The following RPL35 variants were observed in gnomAD, a reference collection of about 807,000 sequenced individuals.
RPL35 encodes ribosomal protein L35.
RPL35 carries 2 observed loss-of-function variants against 15.6 expected under a neutral mutation model. The ratio of observed to expected loss-of-function variants is 0.13; its 90% confidence interval spans 0.05 to 0.40. The LOEUF (loss-of-function observed/expected upper bound fraction) is 0.40, where lower values mean the gene tolerates loss of function less well. Among genes scored for constraint, RPL35 ranks in the 10% least tolerant of loss-of-function variants. The pLI is 0.99. For missense variants in RPL35, 111 were observed against 164.7 expected (o/e 0.67, Z 1.79); for synonymous variants, 93 against 67.9 (o/e 1.37, Z -1.82).
At chr9:124,861,340 C>G (rs2131326137) in intron 2 of RPL35, 79 bp downstream of exon 2, 15 of 1,545,080 alleles carry the variant, frequency 9.7e-6, no homozygotes, top group Non-Finnish European at 1.3e-5. Flanking sequence ...CTCCTTAAGC[C>G]AACTTTGAAA....
Position 124,861,756 on chromosome 9 carries a change from A to C in RPL35, c.3+154T>G, listed in dbSNP as rs1259738401. On this transcript the variant is annotated intron_variant, in intron 1 of 3. Coordinates refer to ENST00000348462, the MANE Select transcript of RPL35 (RefSeq NM_007209.4). The stretch of plus-strand genomic sequence containing the variant: ...CGGGCCGCGCGCCTCTCCCGGCGCC[A>C]AGCGAAGAGGCGGGTTGTGGTGGCG... 5 of 1,343,786 alleles carry C rather than the reference A, an allele frequency of 3.7e-6. No individual in the cohort carries two copies. In the East Asian group the frequency reaches 1.3e-4, roughly 35 times the overall value. 83.2% of individuals were successfully genotyped at this position (1,343,786 alleles called of 1,614,324 possible). A position where few individuals can be genotyped will look rare whatever the true frequency, so the allele number is the denominator to read the frequency against.
In RPL35 at chr9:124,861,483, C is replaced by A. The variant is rs767728787; in HGVS notation, c.76G>T (p.Val26Leu). 2 of 1,614,082 alleles carry A rather than the reference C, an allele frequency of 1.2e-6. No homozygotes were observed. Among genetic ancestry groups the A allele is most frequent in the Non-Finnish European group, 1.7e-6 (2 of 1,180,016 alleles). Reference protein sequence around the residue: ...ELLKQLDDLKVELSQLRVAKV... With the variant: ...ELLKQLDDLKLELSQLRVAKV... ...GCGACGCGCAGCTGGGACAGCTCCA[C>A]CTTCAGGTCGTCCAGCTGTTTCAGC... Residue 26 changes from valine (V) to leucine (L), a missense_variant, in exon 2 of 4, where the codon GTG becomes TTG. By Grantham distance (32) the Val-to-Leu change is conservative. Transcript: ENST00000348462.
intron 3 of RPL35, among the ~76,000 whole-genome samples, 169 bp downstream of exon 3, chr9:124,860,014 C>T (rs1374491868): frequency 6.6e-6 from 1 of 152,204 alleles, no homozygotes; most frequent in Non-Finnish European, 1.5e-5. Context: ...TCTGCAGAGC[C>T]ACGTGCCAGT....
intron 3 of RPL35, chr9:124,858,564 C>G (rs1331898419): frequency 1.4e-6 from 1 of 710,328 alleles, no homozygotes; most frequent in African/African-American, 1.7e-5. Flanking sequence ...CCTCAGAGGC[C>G]TGGCTGGCCA....
Position 124,857,924 on chromosome 9 carries a change from C to G in RPL35, c.366G>C (p.Lys122Asn). 3 of 1,612,248 alleles carry G rather than the reference C, an allele frequency of 1.9e-6. No individual in the cohort carries two copies. The highest frequency in any genetic ancestry group is 2.5e-6 in the Non-Finnish European group (3 of 1,180,026). ...TTTATTGACAATGCGCCCCTCAGGC[C>G]TTGACCGCGTACTTCCGCAGCGGGT... Reference protein sequence around the residue: ...RLYPLRKYAVKA With the variant: ...RLYPLRKYAVNA The change falls in exon 4 of 4, where the codon AAG becomes AAC. Residue 122 changes from lysine (K) to asparagine (N), a missense_variant. Transcript: ENST00000348462.
chr9:124,860,263 G>A lies in RPL35; in HGVS notation c.142C>T (p.Arg48Ter). The change falls in exon 3 of 4, where the codon CGA becomes TGA. Residue 48 changes from arginine (R) to a stop codon, truncating the protein, a stop_gained and splice_region_variant. Coordinates refer to ENST00000348462, the MANE Select transcript of RPL35 (RefSeq NM_007209.4). LOFTEE classifies it high-confidence loss of function. ...CGGGCAATGGATTTCCGGACGACTCGGCTACAAAACAGAGATGTCAGTGAA... is the reference window on the plus strand; with the variant it reads ...CGGGCAATGGATTTCCGGACGACTCAGCTACAAAACAGAGATGTCAGTGAA... ...GGAASKLSKIRVVRKSIARVL... is the reference protein window; with the variant it reads ...GGAASKLSKI The A allele has an allele frequency of 6.2e-7, 1 of 1,613,226 alleles. No individual in the cohort carries two copies. Among genetic ancestry groups the A allele is most frequent in the Non-Finnish European group, 8.5e-7 (1 of 1,179,180 alleles).
chr9:124,859,336 A>C (rs573163474), intron 3 of RPL35, among the ~76,000 whole-genome samples: 2 of 152,242 alleles, frequency 1.3e-5, no homozygotes, highest in Non-Finnish European at 2.9e-5. Flanking sequence ...CAAATCTTCA[A>C]GTTATTCAAA....
chr9:124,861,487 C>T lies in RPL35; in HGVS notation c.72G>A (p.Leu24=), dbSNP rs760779000. 4.3e-6 allele frequency: 7 copies of T among 1,614,088 alleles called. No homozygotes were observed. Among genetic ancestry groups the T allele is most frequent in the Non-Finnish European group, 4.2e-6 (5 of 1,180,012 alleles). Reference sequence around the variant, plus strand: ...CGCGCAGCTGGGACAGCTCCACCTTCAGGTCGTCCAGCTGTTTCAGCAGCT... The same window carrying T: ...CGCGCAGCTGGGACAGCTCCACCTTTAGGTCGTCCAGCTGTTTCAGCAGCT... The part of the protein sequence containing the change: ...KEELLKQLDD[L]KVELSQLRVA... The change falls in exon 2 of 4, where the codon CTG becomes CTA. Residue 24 remains leucine (L), a synonymous_variant. Transcript: ENST00000348462.
In RPL35 at chr9:124,857,894, T is replaced by C. The variant is rs1829128965; in HGVS notation, c.*24A>G. ...AGGAAACAAAGCAGTCTCAGCCAGCTGTGCTTTATTGACAATGCGCCCCTC... is the reference window on the plus strand; with the variant it reads ...AGGAAACAAAGCAGTCTCAGCCAGCCGTGCTTTATTGACAATGCGCCCCTC... On this transcript the variant is annotated 3_prime_UTR_variant, in exon 4 of 4. Coordinates refer to ENST00000348462, the MANE Select transcript of RPL35 (RefSeq NM_007209.4). The C allele has an allele frequency of 6.2e-7, 1 of 1,609,348 alleles. No homozygotes were observed. The highest frequency in any genetic ancestry group is 1.3e-5 in the African/African-American group (1 of 74,960).
intron 2 of RPL35, 136 bp from the exon 3 acceptor site, chr9:124,860,400 G>A: frequency 1.4e-6 from 1 of 738,538 alleles, no homozygotes; most frequent in Non-Finnish European, 2.4e-6. Flanking sequence ...AAGGCGTTCT[G>A]GGAGTGAGGT....
In RPL35 at chr9:124,861,941, C is replaced by T. The variant is rs909920666; in HGVS notation, c.-29G>A. The T allele has an allele frequency of 1.6e-5, 25 of 1,597,776 alleles. No homozygotes were observed. The highest frequency in any genetic ancestry group is 2.3e-5 in the East Asian group (1 of 44,114). ...TGCACAAGCCGCCAACGCCGCCGCCCGCTCCGAGGGAAAGAGGAAGTAGGC... is the reference window on the plus strand; with the variant it reads ...TGCACAAGCCGCCAACGCCGCCGCCTGCTCCGAGGGAAAGAGGAAGTAGGC... On this transcript the variant is annotated 5_prime_UTR_variant, in exon 1 of 4. Coordinates refer to ENST00000348462, the MANE Select transcript of RPL35 (RefSeq NM_007209.4).
At chr9:124,860,405 T>G in intron 2 of RPL35, 141 bp from the exon 3 acceptor site, 2 of 713,626 alleles carry the variant, frequency 2.8e-6, no homozygotes, top group Admixed American at 4.1e-5. Context: ...GTTCTGGGAG[T>G]GAGGTCTGAG....
At chr9:124,859,182 CATT>C (rs768793396) in intron 3 of RPL35, among the ~76,000 whole-genome samples, 21 of 152,312 alleles carry the variant, frequency 1.4e-4, no homozygotes, top group South Asian at 6.2e-4. Flanking sequence ...TGGCCCTTCT[CATT>C]TTTTTGAGAT....
chr9:124,858,419 A>T (rs1299636530), intron 3 of RPL35: 1 of 707,032 alleles, frequency 1.4e-6, no homozygotes, highest in Non-Finnish European at 2.6e-6. Flanking sequence ...AGTACAGGGC[A>T]CGCAGCACCC....
At chr9:124,858,351 A>T (rs1564307827) in intron 3 of RPL35, 1 of 632,864 alleles carries the variant, frequency 1.6e-6, no homozygotes, top group African/African-American at 1.8e-5. Context: ...GTGACTCCCA[A>T]CTCAGTGCTC....
At chr9:124,860,353 G>T in intron 2 of RPL35, 89 bp from the exon 3 acceptor site, 1 of 1,060,922 alleles carries the variant, frequency 9.4e-7, no homozygotes, top group Non-Finnish European at 1.5e-6. Context: ...AATAGCTGCA[G>T]CCTCCCCCAT....
chr9:124,860,568 T>C (rs1829181423), intron 2 of RPL35, among the ~76,000 whole-genome samples: 1 of 152,108 alleles, frequency 6.6e-6, no homozygotes, highest in African/African-American at 2.4e-5. Context: ...AATGAGCTGA[T>C]GGGAAGGAAT....
Position 124,858,076 on chromosome 9 carries a change from C to CA in RPL35, c.223-10dup, listed in dbSNP as rs1427457169. The CA allele has an allele frequency of 1.2e-6, 2 of 1,611,324 alleles. No individual in the cohort carries two copies. The highest frequency in any genetic ancestry group is 2.7e-5 in the African/African-American group (2 of 74,876). ...GGCTTGTACTTCTTGCCCTGGGAGA[C>CA]AGACGGCAGGGTGAATCCAAGGACC... On this transcript the variant is annotated splice_polypyrimidine_tract_variant and intron_variant, in intron 3 of 3. Transcript: ENST00000348462.
intron 2 of RPL35, 91 bp from the exon 3 acceptor site, chr9:124,860,355 C>A: frequency 9.5e-7 from 1 of 1,049,310 alleles, no homozygotes; most frequent in Non-Finnish European, 1.5e-6. Flanking sequence ...TAGCTGCAGC[C>A]TCCCCCATCA....
Sources: gnomAD v4.1 joint callset for allele counts (sites outside exome capture counted in the v4.1 genomes callset) on GRCh38, gnomAD v4.1.1 for gene constraint, MANE v1.5 for transcripts, NCBI Gene and HGNC (gene_info 2026-07-23, HGNC 2026-07-21) for gene names.